MPP1: variants seen among roughly 807,000 people sequenced by gnomAD.
MPP1 encodes the protein 55 kDa erythrocyte membrane protein.
MPP1 carries 6 observed loss-of-function variants against 38.2 expected under a neutral mutation model. The observed-to-expected ratio is 0.16, with a 90% CI of 0.09 to 0.31. The LOEUF (loss-of-function observed/expected upper bound fraction) is 0.31, where lower values mean the gene tolerates loss of function less well. Ranked by LOEUF, MPP1 falls within the 10% of genes least tolerant of loss-of-function variation. MPP1 has a pLI of 1.00. For missense variants in MPP1, 293 were observed against 368.9 expected (o/e 0.79, Z 1.69); for synonymous variants, 153 against 146.3 (o/e 1.05, Z -0.33).
At chrX:154,786,659 G>C (rs1311947245) in intron 5 of MPP1, among the ~76,000 whole-genome samples, 3 of 110,812 alleles carry the variant, frequency 2.7e-5, no homozygotes, top group Non-Finnish European at 5.7e-5. Flanking sequence ...ACTTTGGGAG[G>C]CCGAGGCGGG....
At chrX:154,785,268 G>A (rs781968116) in intron 6 of MPP1, 111 bp from the exon 7 acceptor site, 3 of 541,884 alleles carry the variant, frequency 5.5e-6, no homozygotes, top group South Asian at 6.2e-5. Flanking sequence ...GTCCATTACA[G>A]TGGGAGATAA....
intron 4 of MPP1, 53 bp from the exon 5 acceptor site, chrX:154,790,075 G>T: frequency 1.2e-6 from 1 of 825,188 alleles, no homozygotes. Flanking sequence ...TGAATGATGT[G>T]ATCATTCATT....
chrX:154,781,573 T>C (rs377283301), intron 10 of MPP1, 27 bp downstream of exon 10: 58 of 1,192,443 alleles, frequency 4.9e-5, no homozygotes, highest in Non-Finnish European at 6.5e-5. Flanking sequence ...TGAGCCCATC[T>C]GTCCCTGCCC....
chrX:154,778,850 A>G lies in MPP1; in HGVS notation c.*327T>C, dbSNP rs1296973858. On this transcript the variant is annotated 3_prime_UTR_variant, in exon 12 of 12. Transcript: ENST00000369534. ...TACCCAGCATATACAGTTGAAGGCA[A>G]AGGAGGGCAGGCTTTAGAGGGATGG... is the stretch of plus-strand genomic sequence containing the variant. 7.8e-6 allele frequency: 2 copies of G among 254,977 alleles called. No homozygotes were observed. The highest frequency in any genetic ancestry group is 1.4e-5 in the Non-Finnish European group (2 of 144,066). The allele number at this position is 254,977 out of a possible 1,213,427, so 21.0% of individuals were successfully genotyped here.
chrX:154,799,853 G>A (rs1295247223), intron 1 of MPP1: 2 of 1,161,737 alleles, frequency 1.7e-6, no homozygotes, highest in Non-Finnish European at 2.3e-6. Flanking sequence ...GGAAACATCT[G>A]CAGCAGGGTT....
intron 1 of MPP1, among the ~76,000 whole-genome samples, chrX:154,795,600 A>G (rs1557268086): frequency 9.0e-6 from 1 of 110,620 alleles, no homozygotes; most frequent in Non-Finnish European, 1.9e-5. Flanking sequence ...CCTCGTCTCT[A>G]CAAAAAATAA....
intron 8 of MPP1, 108 bp from the exon 9 acceptor site, chrX:154,783,615 T>A: frequency 1.5e-6 from 1 of 649,200 alleles, no homozygotes; most frequent in Non-Finnish European, 2.4e-6. Context: ...GAACATGAGT[T>A]GGGGTTGCAT....
At position 154,802,676 on chromosome X, in the gene MPP1, T is replaced by C. The variant is rs367896973; in HGVS notation, c.102+2596A>G. Among the ~76,000 whole-genome samples the C allele has an allele frequency of 3.4e-4, 38 of 111,148 alleles. No individual in the cohort carries two copies. In the East Asian group the frequency reaches 6.5e-3, roughly 19 times the overall value. On this transcript the variant is annotated intron_variant, in intron 1 of 11. Transcript: ENST00000369534. ...TCTCCATTAACCTGCCTAGACCACA[T>C]TGAAAAGAAAAAAAAAATTAGTTTA...
In MPP1 at chrX:154,785,172, C is replaced by T. The variant is rs782721428; in HGVS notation, c.678-15G>A. On this transcript the variant is annotated splice_polypyrimidine_tract_variant and intron_variant, in intron 6 of 11. Coordinates refer to ENST00000369534, the MANE Select transcript of MPP1 (RefSeq NM_002436.4). ...TTGCCACTCGCCTGGTAGGAAAAGA[C>T]AATCAAGGGGTCAGCTTTCCTCCCC... 3.4e-5 allele frequency: 40 copies of T among 1,160,880 alleles called. No homozygotes were observed. In the South Asian group the frequency reaches 7.2e-4, roughly 21 times the overall value.
intron 1 of MPP1, among the ~76,000 whole-genome samples, chrX:154,801,674 G>A (rs188284139): frequency 6.3e-5 from 6 of 95,950 alleles, no homozygotes; most frequent in African/African-American, 2.4e-4. Context: ...CAGGAGAATC[G>A]CTTGAACCTA....
intron 11 of MPP1, 25 bp from the exon 12 acceptor site, chrX:154,779,378 A>G (rs2071961883): frequency 2.5e-6 from 3 of 1,191,584 alleles, no homozygotes; most frequent in Non-Finnish European, 3.4e-6. Context: ...GCCACAGATG[A>G]AGCAAGCTGC....
At chrX:154,801,291 T>C (rs782421676) in intron 1 of MPP1, among the ~76,000 whole-genome samples, 13 of 112,351 alleles carry the variant, frequency 1.2e-4, no homozygotes, top group Non-Finnish European at 2.3e-4. Context: ...AGGGAATTGA[T>C]CTTAACCTGA....
chrX:154,805,134 C>T, intron 1 of MPP1, 138 bp downstream of exon 1: 1 of 593,006 alleles, frequency 1.7e-6, no homozygotes, highest in Non-Finnish European at 2.6e-6. Context: ...CTCACCCCGC[C>T]GGCTATCGCG....
intron 4 of MPP1, 136 bp from the exon 5 acceptor site, chrX:154,790,158 T>C (rs1273463368): frequency 4.6e-6 from 2 of 430,853 alleles, no homozygotes; most frequent in African/African-American, 5.0e-5. Context: ...CCTCCTTTAA[T>C]ACAAAAGTGT....
At chrX:154,796,921 G>A (rs1490371811) in intron 1 of MPP1, among the ~76,000 whole-genome samples, 1 of 111,602 alleles carries the variant, frequency 9.0e-6, no homozygotes, top group Non-Finnish European at 1.9e-5. Flanking sequence ...GGTGGCATGT[G>A]CCTGTAGTCC....
intron 4 of MPP1, among the ~76,000 whole-genome samples, chrX:154,790,667 C>T (rs2072132325): frequency 9.0e-6 from 1 of 111,728 alleles, no homozygotes; most frequent in South Asian, 3.7e-4. Context: ...TATTTACATA[C>T]ATTATGCATA....
At chrX:154,786,107 T>G in intron 6 of MPP1, 97 bp downstream of exon 6, 16 of 830,174 alleles carry the variant, frequency 1.9e-5, no homozygotes, top group African/African-American at 4.1e-5. Context: ...GTCTCCTTGG[T>G]TGAGAAACAG....
At chrX:154,798,630 A>G (rs1397865927) in intron 1 of MPP1, among the ~76,000 whole-genome samples, 4 of 112,523 alleles carry the variant, frequency 3.6e-5, no homozygotes, top group Non-Finnish European at 7.5e-5. Context: ...GTAGGGAGGA[A>G]GACAAGTGTG....
At chrX:154,800,271 A>G (rs2072247677) in intron 1 of MPP1, among the ~76,000 whole-genome samples, 1 of 112,693 alleles carries the variant, frequency 8.9e-6, no homozygotes, top group Non-Finnish European at 1.9e-5. Context: ...CTGTTTAACC[A>G]CAAATGACAG....
Sources: gnomAD v4.1 joint callset for allele counts (sites outside exome capture counted in the v4.1 genomes callset) on GRCh38, gnomAD v4.1.1 for gene constraint, MANE v1.5 for transcripts, NCBI Gene and HGNC (gene_info 2026-07-23, HGNC 2026-07-21) for gene names.